The following AKR7A3 variants were observed in gnomAD, a reference collection of about 807,000 sequenced individuals.
The protein encoded by AKR7A3 is aldo-keto reductase family 7 member A3, also known as AFB1 aldehyde reductase 2.
AKR7A3 carries 37 observed loss-of-function variants against 32.5 expected under a neutral mutation model. The observed-to-expected ratio is 1.14, with a 90% CI of 0.88 to 1.50. AKR7A3 has a LOEUF of 1.50. Among genes scored for constraint, AKR7A3 ranks in the 40% most tolerant of loss-of-function variants. The pLI is 0.00. For missense variants in AKR7A3, 412 were observed against 453.2 expected (o/e 0.91, Z 0.83); for synonymous variants, 177 against 188.4 (o/e 0.94, Z 0.50).
intron 5 of AKR7A3, among the ~76,000 whole-genome samples, chr1:19,284,474 G>C (rs531849843): frequency 1.3e-5 from 2 of 151,948 alleles, no homozygotes; most frequent in African/African-American, 4.8e-5. Context: ...AAAGAGCAAC[G>C]ACTTCAAGAC....
rs1278595215 is a variant in AKR7A3, at chr1:19,282,750, C to T, written c.977G>A (p.Cys326Tyr). The change falls in exon 7 of 7, where the codon TGT becomes TAT. Residue 326 changes from cysteine (C) to tyrosine (Y), a missense_variant. Physicochemically the swap from Cys to Tyr is radical, Grantham distance 194. Transcript: ENST00000361640. The part of the protein sequence containing the change: ...NQAWHLVTHE[C>Y]PNYFR ...ATGGGCCTAGCGGAAGTAGTTGGGACATTCGTGAGTAACCAAATGCCAGGC... is the reference window on the plus strand; with the variant it reads ...ATGGGCCTAGCGGAAGTAGTTGGGATATTCGTGAGTAACCAAATGCCAGGC... The T allele has an allele frequency of 6.2e-6, 10 of 1,613,702 alleles. No individual in the cohort carries two copies. Among genetic ancestry groups the T allele is most frequent in the Non-Finnish European group, 8.5e-6 (10 of 1,180,056 alleles).
chr1:19,286,605 C>T (rs41264061), intron 1 of AKR7A3, among the ~76,000 whole-genome samples: 5 of 151,890 alleles, frequency 3.3e-5, no homozygotes, highest in East Asian at 1.9e-4. Context: ...TGCTTGAACC[C>T]GGGAGGCGGA....
downstream of AKR7A3, among the ~76,000 whole-genome samples, chr1:19,280,539 A>T (rs12122673): frequency 0.072 from 10,955 of 151,508 alleles, 595 homozygotes; most frequent in Non-Finnish European, 0.11. Flanking sequence ...AAATATCCAG[A>T]TGTTGTTGAA....
At chr1:19,286,064 T>C in intron 2 of AKR7A3, 72 bp from the exon 3 acceptor site, 1 of 1,596,066 alleles carries the variant, frequency 6.3e-7, no homozygotes, top group Non-Finnish European at 8.5e-7. Context: ...GTGGGGCCCC[T>C]GGGAGTTGGG....
rs763867873 is a variant in AKR7A3, at chr1:19,285,106, G to C, written c.516C>G (p.Tyr172Ter). The C allele has an allele frequency of 3.7e-6, 6 of 1,613,552 alleles. No homozygotes were observed. Among genetic ancestry groups the C allele is most frequent in the East Asian group, 2.2e-5 (1 of 44,872 alleles). ...WILPTVYQGM[Y>*]NAITRQVETE... ...TTTCCACCTGCCGGGTGATGGCATT[G>C]TACATGCCCTGTAAGGAGAGGGGCC... The change falls in exon 4 of 7, where the codon TAC (tyrosine) becomes TAG (stop). Residue 172 changes from tyrosine (Y) to a stop codon, truncating the protein, a stop_gained. Coordinates refer to ENST00000361640, the MANE Select transcript of AKR7A3 (RefSeq NM_012067.3). LOFTEE classifies it high-confidence loss of function.
chr1:19,282,536 T>C, downstream of AKR7A3: 1 of 923,186 alleles, frequency 1.1e-6, no homozygotes, highest in Non-Finnish European at 1.6e-6. Flanking sequence ...TCAGGTATTC[T>C]TTTATAGCAA....
At chr1:19,279,879 C>T (rs576576853), downstream of AKR7A3, among the ~76,000 whole-genome samples, 116 of 151,830 alleles carry the variant, frequency 7.6e-4, 2 homozygotes, top group African/African-American at 2.7e-3. Context: ...ATGTGTGGCC[C>T]GACACAAATT....
downstream of AKR7A3, among the ~76,000 whole-genome samples, chr1:19,279,297 A>C (rs148747709): frequency 6.6e-6 from 1 of 151,974 alleles, no homozygotes; most frequent in African/African-American, 2.4e-5. Context: ...TGTTGTATGA[A>C]TATACCACAT....
At chr1:19,274,418 C>T in the AKR7A3 span, among the ~76,000 whole-genome samples, 1 of 151,826 alleles carries the variant, frequency 6.6e-6, no homozygotes, top group African/African-American at 2.4e-5. Context: ...CCTGCCCCGT[C>T]GTCCCCCATC....
the AKR7A3 span, among the ~76,000 whole-genome samples, chr1:19,274,899 C>CAAAAAAAAACAAAAAAAAAAAAA: frequency 2.3e-5 from 1 of 44,314 alleles, no homozygotes; most frequent in African/African-American, 8.6e-5. Flanking sequence ...TCTCTAAATA[C>CAAAAAAAAACAAAAAAAAAAAAA]AAAAAAAAAA....
chr1:19,288,468 C>T lies in AKR7A3; in HGVS notation c.214+28G>A, dbSNP rs754866738. 42 of 1,606,716 alleles carry T rather than the reference C, an allele frequency of 2.6e-5. No homozygotes were observed. The South Asian group carries it at 4.5e-4, about 17-fold the overall frequency. On this transcript the variant is annotated intron_variant, in intron 1 of 6. Coordinates refer to ENST00000361640, the MANE Select transcript of AKR7A3 (RefSeq NM_012067.3). The stretch of plus-strand genomic sequence containing the variant: ...TGGACAGGCTCAGCTCTGCACCGTG[C>T]AGGGGGAGGATCAGGGGCCACTGTT...
At chr1:19,282,538 T>C (rs191748223), downstream of AKR7A3, 1,056 of 930,420 alleles carry the variant, frequency 1.1e-3, 28 homozygotes, top group African/African-American at 0.017. Flanking sequence ...AGGTATTCTT[T>C]TATAGCAACG....
rs559012843 is a variant in AKR7A3 at position 19,288,165 on chromosome 1, A to G, written c.214+331T>C. Among the ~76,000 whole-genome samples the G allele has an allele frequency of 1.4e-4, 21 of 152,276 alleles. No homozygotes were observed. In the East Asian group the frequency reaches 3.9e-3, roughly 28 times the overall value. ...CACAGGTGGGGACAGGAGCTGCACAATGCCAGATCCCAGTGTTTTTTGTGC... is the reference window on the plus strand; with the variant it reads ...CACAGGTGGGGACAGGAGCTGCACAGTGCCAGATCCCAGTGTTTTTTGTGC... On this transcript the variant is annotated intron_variant, in intron 1 of 6. Transcript: ENST00000361640.
In AKR7A3 at chr1:19,285,189, C is replaced by G. The variant is rs551779345; in HGVS notation, c.508-75G>C. The G allele has an allele frequency of 1.7e-3, 2,413 of 1,400,806 alleles. 12 individuals are homozygous for G. The highest frequency in any genetic ancestry group is 1.3e-3 in the Non-Finnish European group (1,322 of 994,952). 86.8% of individuals were successfully genotyped at this position (1,400,806 alleles called of 1,614,324 possible). Reference sequence around the variant, plus strand: ...GACTTCAAAATTACCCTTCCAGAACCCTTATTTCAGACCTTAACAATTCTA... The same window carrying G: ...GACTTCAAAATTACCCTTCCAGAACGCTTATTTCAGACCTTAACAATTCTA... On this transcript the variant is annotated intron_variant, in intron 3 of 6. Transcript: ENST00000361640.
chr1:19,284,023 C>T lies in AKR7A3; in HGVS notation c.807G>A (p.Arg269=). 2 of 1,613,490 alleles carry T rather than the reference C, an allele frequency of 1.2e-6. No individual in the cohort carries two copies. The highest frequency in any genetic ancestry group is 1.7e-4 in the Middle Eastern group (1 of 5,794). ...GCAGCTGTGAGTGGTGGTACATCCA[C>T]CGGAGGGTGGCCGAGGTCATGCTGG... ...SAPSMTSATL[R]WMYHHSQLQG... is the part of the protein sequence containing the mutation. The change falls in exon 6 of 7, where the codon CGG becomes CGA. Residue 269 remains arginine, a synonymous_variant. Transcript: ENST00000361640.
In AKR7A3 at chr1:19,285,180, TTC is replaced by T. The variant is rs1269901437; in HGVS notation, c.508-68_508-67del. 1.9e-5 allele frequency: 28 copies of T among 1,460,794 alleles called. 1 individual carries two copies. The African/African-American group carries it at 3.7e-4, about 19-fold the overall frequency. 90.5% of individuals were successfully genotyped at this position (1,460,794 alleles called of 1,614,324 possible). ...AAAAGAAGAGACTTCAAAATTACCC[TTC>T]CAGAACCCTTATTTCAGACCTTAAC... On this transcript the variant is annotated intron_variant, in intron 3 of 6. Transcript: ENST00000361640.
intron 3 of AKR7A3, among the ~76,000 whole-genome samples, chr1:19,285,670 G>A (rs908715547): frequency 5.3e-5 from 8 of 151,540 alleles, no homozygotes; most frequent in South Asian, 2.1e-4. Flanking sequence ...AGGGAAGGAA[G>A]GGTCCAAGGT....
At chr1:19,284,658 C>A (rs1158932871) in intron 5 of AKR7A3, 28 bp downstream of exon 5, 2 of 1,610,716 alleles carry the variant, frequency 1.2e-6, no homozygotes, top group Non-Finnish European at 1.7e-6. Context: ...CCCACCCCAG[C>A]CATCCACACC....
intron 6 of AKR7A3, among the ~76,000 whole-genome samples, chr1:19,283,582 C>T (rs1410867014): frequency 6.6e-6 from 1 of 152,046 alleles, no homozygotes; most frequent in East Asian, 1.9e-4. Flanking sequence ...ATAATCCCAG[C>T]ACTTTCAGAG....
Sources: gnomAD v4.1 joint callset for allele counts (sites outside exome capture counted in the v4.1 genomes callset) on GRCh38, gnomAD v4.1.1 for gene constraint, MANE v1.5 for transcripts, NCBI Gene and HGNC (gene_info 2026-07-23, HGNC 2026-07-21) for gene names.